The following TSPAN3 variants were observed in gnomAD, a reference collection of about 807,000 sequenced individuals.
TSPAN3 encodes the protein tetraspanin 3.
Under a neutral mutation model 31.1 loss-of-function variants are expected in TSPAN3, and 9 were observed. The ratio of observed to expected loss-of-function variants is 0.29; its 90% CI spans 0.17 to 0.50. The LOEUF is 0.50. Ranked by LOEUF, TSPAN3 falls within the 20% of genes least tolerant of loss-of-function variation. The pLI, the probability that TSPAN3 is intolerant of heterozygous loss-of-function variation, is 0.98. For missense variants in TSPAN3, 252 were observed against 313.5 expected (o/e 0.80, Z 1.48); for synonymous variants, 129 against 114.3 (o/e 1.13, Z -0.82).
At chr15:77,052,244 G>A (rs776487793) in intron 6 of TSPAN3, 141 bp downstream of exon 6, 6 of 693,772 alleles carry the variant, frequency 8.6e-6, no homozygotes, top group Admixed American at 2.7e-5. Context: ...GGAAAACATG[G>A]GAAACTGGAG....
At chr15:77,050,574 A>G (rs943222542) in intron 6 of TSPAN3, among the ~76,000 whole-genome samples, 1 of 152,210 alleles carries the variant, frequency 6.6e-6, no homozygotes, top group Non-Finnish European at 1.5e-5. Context: ...TTCTATATAC[A>G]TGTTGCATAT....
At chr15:77,048,952 T>C (rs1032382482) in intron 6 of TSPAN3, among the ~76,000 whole-genome samples, 1 of 152,116 alleles carries the variant, frequency 6.6e-6, no homozygotes, top group African/African-American at 2.4e-5. Flanking sequence ...TGAGAAAAAA[T>C]TGGAAATACC....
At chr15:77,048,398 T>C (rs1415156192) in intron 6 of TSPAN3, among the ~76,000 whole-genome samples, 1 of 145,648 alleles carries the variant, frequency 6.9e-6, no homozygotes, top group African/African-American at 2.5e-5. Flanking sequence ...CTCCTTTCAA[T>C]TGGTTAACTT....
At chr15:77,068,294 A>G (rs1444820185) in intron 1 of TSPAN3, 1 of 152,220 alleles carries the variant, frequency 6.6e-6, no homozygotes. Context: ...TTTACTAAAC[A>G]TTACCACTTC....
At position 77,046,550 on chromosome 15, in the gene TSPAN3, C is replaced by A. The variant is rs1029526498; in HGVS notation, c.*285G>T. On this transcript the variant is annotated 3_prime_UTR_variant, in exon 7 of 7. Coordinates refer to ENST00000267970, the MANE Select transcript of TSPAN3 (RefSeq NM_005724.6). Reference sequence around the variant, plus strand: ...GAGGTAACAGAAGCAGGCTCGTGTCCTCCTTTAATTCTACCACACTACATG... The same window carrying A: ...GAGGTAACAGAAGCAGGCTCGTGTCATCCTTTAATTCTACCACACTACATG... The A allele has an allele frequency of 4.3e-6, 2 of 460,244 alleles. No homozygotes were observed. The highest frequency in any genetic ancestry group is 4.0e-5 in the African/African-American group (2 of 50,430). 28.5% of individuals were successfully genotyped at this position (460,244 alleles called of 1,614,324 possible). A position where few individuals can be genotyped will look rare whatever the true frequency, so the allele number is the denominator to read the frequency against.
At position 77,041,953 on chromosome 15, in the gene TSPAN3, T is replaced by C. The variant is rs1349169860; in HGVS notation, c.*4882A>G. The C allele has an allele frequency of 4.6e-5, 7 of 152,188 alleles. No individual in the cohort carries two copies. Among genetic ancestry groups the C allele is most frequent in the Non-Finnish European group, 1.0e-4 (7 of 68,032 alleles). 9.4% of individuals were successfully genotyped at this position (152,188 alleles called of 1,614,324 possible). On this transcript the variant is annotated 3_prime_UTR_variant, in exon 7 of 7. Coordinates refer to ENST00000267970, the MANE Select transcript of TSPAN3 (RefSeq NM_005724.6). ...GTATAGAGATGATCACTGTGGCGAGTAGTGGAGGCACTGGAGGCAGCCTGC... is the reference window on the plus strand; with the variant it reads ...GTATAGAGATGATCACTGTGGCGAGCAGTGGAGGCACTGGAGGCAGCCTGC...
At chr15:77,052,312 G>T in intron 6 of TSPAN3, 73 bp downstream of exon 6, 1 of 1,318,588 alleles carries the variant, frequency 7.6e-7, no homozygotes, top group Non-Finnish European at 1.1e-6. Flanking sequence ...CTGTGATGGG[G>T]ATTAAAACCA....
In TSPAN3 at chr15:77,042,578, A is replaced by G. The variant is rs2076666202; in HGVS notation, c.*4257T>C. Reference sequence around the variant, plus strand: ...ACTCTTCCCCCATCCCCAAAGGTCAATGATGAAGTCGACTTTTGAAAAAAT... The same window carrying G: ...ACTCTTCCCCCATCCCCAAAGGTCAGTGATGAAGTCGACTTTTGAAAAAAT... On this transcript the variant is annotated 3_prime_UTR_variant, in exon 7 of 7. Transcript: ENST00000267970. The G allele has an allele frequency of 6.6e-6, 1 of 152,224 alleles. No homozygotes were observed. Among genetic ancestry groups the G allele is most frequent in the African/African-American group, 2.4e-5 (1 of 41,452 alleles). 9.4% of individuals were successfully genotyped at this position (152,224 alleles called of 1,614,324 possible). A position where few individuals can be genotyped will look rare whatever the true frequency, so the allele number is the denominator to read the frequency against.
rs368506086 is a variant in TSPAN3, at chr15:77,046,901, G to C, written c.696C>G (p.Ile232Met). The C allele has an allele frequency of 6.3e-7, 1 of 1,587,480 alleles. No individual in the cohort carries two copies. Among genetic ancestry groups the C allele is most frequent in the East Asian group, 2.3e-5 (1 of 43,962 alleles). Residue 232 changes from isoleucine (I) to methionine (M), a missense_variant, in exon 7 of 7, where the codon ATC becomes ATG. Coordinates refer to ENST00000267970, the MANE Select transcript of TSPAN3 (RefSeq NM_005724.6). ...IQLLGMLCAC[I>M]VLCRRSRDPA... The stretch of plus-strand genomic sequence containing the variant: ...GATCTCTACTCCTTCTGCACAACAC[G>C]ATGCAAGCACACAGCATGCCCAGCA...
chr15:77,052,854 C>A lies in TSPAN3; in HGVS notation c.508G>T (p.Val170Phe). Reference sequence around the variant, plus strand: ...GTCTCTCTGCAGCAGCTAAGAGGGACACTCTGGTTTTTGGTTTCTTTGAAC... The same window carrying A: ...GTCTCTCTGCAGCAGCTAAGAGGGAAACTCTGGTTTTTGGTTTCTTTGAAC... ...DWFKETKNQS[V>F]PLSCCRETAS... The change falls in exon 5 of 7, where the codon GTC becomes TTC. Residue 170 changes from valine (V) to phenylalanine (F), a missense_variant. By Grantham distance (50) the Val-to-Phe change is conservative. Coordinates refer to ENST00000267970, the MANE Select transcript of TSPAN3 (RefSeq NM_005724.6). The A allele has an allele frequency of 1.9e-6, 3 of 1,614,124 alleles. No homozygotes were observed. Among genetic ancestry groups the A allele is most frequent in the Non-Finnish European group, 2.5e-6 (3 of 1,180,010 alleles).
chr15:77,066,495 C>G (rs1262896682), intron 1 of TSPAN3, among the ~76,000 whole-genome samples: 1 of 144,400 alleles, frequency 6.9e-6, no homozygotes, highest in Non-Finnish European at 1.5e-5. Context: ...TCGCTTGAAC[C>G]CGGGAGACAG....
At chr15:77,067,214 C>A (rs545779260) in intron 1 of TSPAN3, among the ~76,000 whole-genome samples, 37 of 152,122 alleles carry the variant, frequency 2.4e-4, no homozygotes, top group African/African-American at 6.8e-4. Flanking sequence ...TCCCTATTTC[C>A]ATTAAGACAA....
intron 1 of TSPAN3, among the ~76,000 whole-genome samples, chr15:77,066,418 G>A (rs892486355): frequency 6.6e-6 from 1 of 151,554 alleles, no homozygotes; most frequent in Admixed American, 6.6e-5. Flanking sequence ...AAAAAAATAC[G>A]AAAATTAGCT....
In TSPAN3 at chr15:77,055,848, G is replaced by A; in HGVS notation, c.271C>T (p.Leu91Phe). 1 of 1,610,286 alleles carries A rather than the reference G, an allele frequency of 6.2e-7. No individual in the cohort carries two copies. Among genetic ancestry groups the A allele is most frequent in the South Asian group, 1.1e-5 (1 of 89,796 alleles). ...CGLATFVIILLLVFVTEVVVV... is the reference protein window; with the variant it reads ...CGLATFVIILFLVFVTEVVVV... ...ACAACTTCTGTGACAAAAACCAAGA[G>A]CAGGATGATGACAAACTGTAAGAAA... is the stretch of plus-strand genomic sequence containing the variant. Residue 91 changes from leucine to phenylalanine, a missense_variant, in exon 3 of 7, where the codon CTC becomes TTC. Leu to Phe is a conservative substitution (Grantham distance 22). Transcript: ENST00000267970.
At chr15:77,058,678 T>C (rs1307898762) in intron 1 of TSPAN3, among the ~76,000 whole-genome samples, 2 of 152,324 alleles carry the variant, frequency 1.3e-5, no homozygotes, top group African/African-American at 4.8e-5. Context: ...ACAGCAGGTA[T>C]CAGTTAAAGT....
intron 1 of TSPAN3, among the ~76,000 whole-genome samples, chr15:77,069,138 A>G (rs1414967119): frequency 1.3e-5 from 2 of 152,344 alleles, no homozygotes; most frequent in South Asian, 2.1e-4. Flanking sequence ...GGTTGTAGAA[A>G]AACAGGTAGC....
In TSPAN3 at chr15:77,043,315, CTCT is replaced by C. The variant is rs1008194853; in HGVS notation, c.*3517_*3519del. ...TGTTCTCTGCTAAGCTGCTTTAGAGCTCTTTTTTATCCCTTTTAGTAGTTAACT... is the reference window on the plus strand; with the variant it reads ...TGTTCTCTGCTAAGCTGCTTTAGAGCTTTTTATCCCTTTTAGTAGTTAACT... On this transcript the variant is annotated 3_prime_UTR_variant, in exon 7 of 7. Coordinates refer to ENST00000267970, the MANE Select transcript of TSPAN3 (RefSeq NM_005724.6). The C allele has an allele frequency of 6.6e-6, 1 of 152,178 alleles. No individual in the cohort carries two copies. The highest frequency in any genetic ancestry group is 1.5e-5 in the Non-Finnish European group (1 of 68,032). 9.4% of individuals were successfully genotyped at this position (152,178 alleles called of 1,614,324 possible). A position where few individuals can be genotyped will look rare whatever the true frequency, so the allele number is the denominator to read the frequency against.
At position 77,046,211 on chromosome 15, in the gene TSPAN3, T is replaced by C; in HGVS notation, c.*624A>G. On this transcript the variant is annotated 3_prime_UTR_variant, in exon 7 of 7. Transcript: ENST00000267970. ...TTCTTTTAAAACAGTAGTGCATACATTATACTCCTCCTATAAAGCCAACTT... is the reference window on the plus strand; with the variant it reads ...TTCTTTTAAAACAGTAGTGCATACACTATACTCCTCCTATAAAGCCAACTT... 1 of 392,602 alleles carries C rather than the reference T, an allele frequency of 2.5e-6. No individual in the cohort carries two copies. Among genetic ancestry groups the C allele is most frequent in the Non-Finnish European group, 4.5e-6 (1 of 222,614 alleles). 24.3% of individuals were successfully genotyped at this position (392,602 alleles called of 1,614,324 possible).
intron 1 of TSPAN3, chr15:77,064,369 C>T (rs1250538382): frequency 6.6e-6 from 1 of 152,044 alleles, no homozygotes; most frequent in Non-Finnish European, 1.5e-5. Context: ...CACATTTACT[C>T]ATGAATGATT....
Sources: gnomAD v4.1 joint callset for allele counts (sites outside exome capture counted in the v4.1 genomes callset) on GRCh38, gnomAD v4.1.1 for gene constraint, MANE v1.5 for transcripts, NCBI Gene and HGNC (gene_info 2026-07-23, HGNC 2026-07-21) for gene names.